CACNA2D3: variants seen among roughly 807,000 people sequenced by gnomAD.
CACNA2D3 encodes calcium voltage-gated channel auxiliary subunit alpha2delta 3.
In CACNA2D3, 60 loss-of-function variants were observed where a neutral mutation model predicts 160.6. That is an observed-to-expected ratio of 0.37 (90% CI 0.30 to 0.46). The LOEUF is 0.46. CACNA2D3 is among the 20% of genes least tolerant of loss of function. The probability of loss-of-function intolerance (pLI) is 1.00; values close to 1 mark genes in which losing one functional copy is unlikely to be tolerated. For missense variants in CACNA2D3, 1,205 were observed against 1,365.0 expected (o/e 0.88, Z 1.85); for synonymous variants, 558 against 492.9 (o/e 1.13, Z -1.75).
chr3:54,554,472 A>G (rs138890276), intron 5 of CACNA2D3, among the ~76,000 whole-genome samples: 117 of 152,318 alleles, frequency 7.7e-4, no homozygotes, highest in African/African-American at 2.8e-3. Context: ...CATAAAGTCT[A>G]CCCTGGATAG....
intron 11 of CACNA2D3, among the ~76,000 whole-genome samples, chr3:54,687,572 A>C (rs1700491421): frequency 6.6e-6 from 1 of 152,146 alleles, no homozygotes; most frequent in Non-Finnish European, 1.5e-5. Context: ...TATGCCCAAA[A>C]GTTTTGAAAT....
At chr3:55,059,358 A>G (rs1014360441) in intron 35 of CACNA2D3, among the ~76,000 whole-genome samples, 1 of 152,212 alleles carries the variant, frequency 6.6e-6, no homozygotes, top group African/African-American at 2.4e-5. Context: ...TTACATTACT[A>G]TTGCCCAAAC....
At chr3:54,927,950 CCCTTTAATTA>C in intron 27 of CACNA2D3, 1 of 1,609,310 alleles carries the variant, frequency 6.2e-7, no homozygotes, top group East Asian at 2.2e-5. Flanking sequence ...ACCTCGTAGA[CCCTTTAATTA>C]ATGTGCAGAG....
chr3:54,452,506 A>G lies in CACNA2D3; in HGVS notation c.382-50986A>G, dbSNP rs1056839554. 9.2e-5 allele frequency among the ~76,000 whole-genome samples: 14 copies of G among 152,278 alleles called. No homozygotes were observed. In the East Asian group the frequency reaches 2.7e-3, roughly 29 times the overall value. On this transcript the variant is annotated intron_variant, in intron 4 of 37. Transcript: ENST00000474759. ...GTTTTCTTTCTGAACTCGCACTGGA[A>G]TTGTCTTTAATGTCTGTATTTCTCC...
At chr3:54,388,182 G>A (rs1413197627) in intron 4 of CACNA2D3, among the ~76,000 whole-genome samples, 1 of 152,212 alleles carries the variant, frequency 6.6e-6, no homozygotes, top group Non-Finnish European at 1.5e-5. Flanking sequence ...CTGAAGAGAG[G>A]AAAACTAGGG....
intron 13 of CACNA2D3, among the ~76,000 whole-genome samples, chr3:54,784,793 G>A (rs1209286967): frequency 6.6e-6 from 1 of 152,154 alleles, no homozygotes; most frequent in Non-Finnish European, 1.5e-5. Context: ...CCCCAGATGG[G>A]CAAAGTGACA....
chr3:54,856,097 CTG>C (rs1300267938), intron 17 of CACNA2D3, among the ~76,000 whole-genome samples: 2 of 152,200 alleles, frequency 1.3e-5, no homozygotes, highest in Non-Finnish European at 2.9e-5. Flanking sequence ...ACTGATGAGA[CTG>C]TGTTTTGTTC....
chr3:54,356,180 A>G (rs1199192129), intron 3 of CACNA2D3, among the ~76,000 whole-genome samples: 1 of 152,228 alleles, frequency 6.6e-6, no homozygotes, highest in Non-Finnish European at 1.5e-5. Flanking sequence ...GCCAGGATCA[A>G]CAATATAGGT....
At chr3:54,659,174 A>G (rs955585149) in intron 11 of CACNA2D3, among the ~76,000 whole-genome samples, 1 of 152,156 alleles carries the variant, frequency 6.6e-6, no homozygotes, top group African/African-American at 2.4e-5. Flanking sequence ...TTAGATAAAT[A>G]ACACAAGGAA....
intron 4 of CACNA2D3, among the ~76,000 whole-genome samples, chr3:54,402,387 A>T (rs898994779): frequency 6.6e-6 from 1 of 152,204 alleles, no homozygotes; most frequent in African/African-American, 2.4e-5. Context: ...ACCCACAAGA[A>T]ACCCACTTTA....
At chr3:54,431,810 G>A (rs1699995129) in intron 4 of CACNA2D3, among the ~76,000 whole-genome samples, 2 of 151,984 alleles carry the variant, frequency 1.3e-5, no homozygotes, top group African/African-American at 2.4e-5. Context: ...TTTCAGCTGT[G>A]TTGGCCAGGA....
At chr3:54,539,241 A>G (rs1310027178) in intron 5 of CACNA2D3, among the ~76,000 whole-genome samples, 3 of 152,182 alleles carry the variant, frequency 2.0e-5, no homozygotes, top group African/African-American at 7.2e-5. Context: ...GACCTTTATC[A>G]TAGAGGCTTA....
At chr3:55,034,612 A>C (rs887793837) in intron 35 of CACNA2D3, among the ~76,000 whole-genome samples, 3 of 152,060 alleles carry the variant, frequency 2.0e-5, no homozygotes, top group Non-Finnish European at 2.9e-5. Flanking sequence ...ATTTTGGTGT[A>C]CTTGCTTCCA....
chr3:54,750,770 C>G (rs757833734), intron 11 of CACNA2D3, among the ~76,000 whole-genome samples: 2 of 134,940 alleles, frequency 1.5e-5, no homozygotes, highest in Non-Finnish European at 3.3e-5. Flanking sequence ...GAGGCTGGAT[C>G]TTTGCTTTTT....
At chr3:54,455,457 G>GT (rs1170587218) in intron 4 of CACNA2D3, among the ~76,000 whole-genome samples, 1 of 151,918 alleles carries the variant, frequency 6.6e-6, no homozygotes, top group Non-Finnish European at 1.5e-5. Context: ...TGTTGTATGA[G>GT]TTTTTTGTAT....
chr3:54,939,174 C>A (rs965352583), intron 27 of CACNA2D3, among the ~76,000 whole-genome samples: 6 of 152,206 alleles, frequency 3.9e-5, no homozygotes, highest in African/African-American at 1.2e-4. Context: ...GAAACTCTTA[C>A]AACCTTCCAG....
intron 13 of CACNA2D3, among the ~76,000 whole-genome samples, chr3:54,816,175 C>T (rs967725062): frequency 6.6e-6 from 1 of 152,200 alleles, no homozygotes; most frequent in African/African-American, 2.4e-5. Flanking sequence ...ACTTTAAATG[C>T]ACAAATCCTG....
chr3:54,714,757 A>G (rs901868460), intron 11 of CACNA2D3, among the ~76,000 whole-genome samples: 1 of 152,248 alleles, frequency 6.6e-6, no homozygotes, highest in African/African-American at 2.4e-5. Flanking sequence ...AATCGATAGC[A>G]AAGAGATAAC....
intron 4 of CACNA2D3, among the ~76,000 whole-genome samples, chr3:54,489,448 G>A (rs547509857): frequency 1.3e-5 from 2 of 152,272 alleles, no homozygotes; most frequent in South Asian, 2.1e-4. Flanking sequence ...GCTGGTGTTC[G>A]GCACTTTTTA....
Sources: gnomAD v4.1 joint callset for allele counts (sites outside exome capture counted in the v4.1 genomes callset) on GRCh38, gnomAD v4.1.1 for gene constraint, MANE v1.5 for transcripts, NCBI Gene and HGNC (gene_info 2026-07-23, HGNC 2026-07-21) for gene names.